TRPV1: variants seen among roughly 807,000 people sequenced by gnomAD.
The protein encoded by TRPV1 is OTRPC1.
Under a neutral mutation model 82.3 loss-of-function variants are expected in TRPV1, and 82 were observed. The ratio of observed to expected loss-of-function variants is 1.00; its 90% CI spans 0.83 to 1.20. TRPV1 has a LOEUF of 1.20. Ranked by LOEUF, TRPV1 falls within the 50% of genes most tolerant of loss-of-function variation. The probability of loss-of-function intolerance (pLI) is 0.00; values close to 1 mark genes in which losing one functional copy is unlikely to be tolerated. For synonymous variants in TRPV1, 515 were observed against 467.7 expected (o/e 1.10, Z -1.30); for missense variants, 1,067 against 1,096.8 (o/e 0.97, Z 0.38).
intron 2 of TRPV1, among the ~76,000 whole-genome samples, chr17:3,597,454 C>T (rs1368240082): frequency 6.6e-6 from 1 of 152,120 alleles, no homozygotes; most frequent in East Asian, 1.9e-4. Flanking sequence ...GTGCTGCCCG[C>T]CACACAGTAC....
At chr17:3,588,074 G>C in intron 8 of TRPV1, 114 bp downstream of exon 8, 3 of 1,277,278 alleles carry the variant, frequency 2.3e-6, no homozygotes, top group Non-Finnish European at 3.2e-6. Context: ...GCCTGGGCCC[G>C]GGCGCAGCAG....
At chr17:3,573,564 T>C (rs2074888573) in intron 14 of TRPV1, 69 bp downstream of exon 14, 6 of 189,058 alleles carry the variant, frequency 3.2e-5, no homozygotes, top group East Asian at 2.4e-4. Context: ...CAGCCAGCTG[T>C]GTAAGACAGC....
intron 2 of TRPV1, among the ~76,000 whole-genome samples, chr17:3,600,799 G>T (rs1029703850): frequency 3.3e-5 from 5 of 152,062 alleles, no homozygotes; most frequent in Non-Finnish European, 5.9e-5. Context: ...CTCCCTGGCT[G>T]CTCTCCTCTT....
At chr17:3,595,117 A>G (rs1018187) in intron 2 of TRPV1, among the ~76,000 whole-genome samples, 60,538 of 152,080 alleles carry the variant, frequency 0.4, 15,279 homozygotes, top group African/African-American at 0.72. Flanking sequence ...CCCTGGCAGC[A>G]CTTAAAAGGC....
At position 3,592,120 on chromosome 17, in the gene TRPV1, T is replaced by A; in HGVS notation, c.231A>T (p.Thr77=). Residue 77 remains threonine, a synonymous_variant, in exon 3 of 17, where the codon ACA becomes ACT. Transcript: ENST00000572705. ...EGELDSCPTI[T]VSPVITIQRP... ...TCTGGATGGTGATAACAGGGCTGACTGTGATGGTCGGGCAGGAGTCCAGCT... is the reference window on the plus strand; with the variant it reads ...TCTGGATGGTGATAACAGGGCTGACAGTGATGGTCGGGCAGGAGTCCAGCT... 6.2e-7 allele frequency: 1 copy of A among 1,613,872 alleles called. No homozygotes were observed. Among genetic ancestry groups the A allele is most frequent in the Non-Finnish European group, 8.5e-7 (1 of 1,179,874 alleles).
chr17:3,569,561 G>A (rs2074819497), intron 16 of TRPV1, among the ~76,000 whole-genome samples: 1 of 152,244 alleles, frequency 6.6e-6, no homozygotes, highest in African/African-American at 2.4e-5. Flanking sequence ...AGTCTAAGAA[G>A]AGCATGGAAT....
At chr17:3,592,040 G>A (rs757899012) in intron 3 of TRPV1, 27 bp downstream of exon 3, 7 of 1,601,190 alleles carry the variant, frequency 4.4e-6, no homozygotes, top group Non-Finnish European at 6.0e-6. Context: ...CTCCCAGCAG[G>A]GAGGGGGGCT....
chr17:3,591,409 C>A, intron 3 of TRPV1, 56 bp from the exon 4 acceptor site: 3 of 1,514,494 alleles, frequency 2.0e-6, no homozygotes, highest in Non-Finnish European at 2.6e-6. Context: ...GGCCCTGAGG[C>A]CTTCGGAGCT....
chr17:3,577,261 G>T (rs1054396511), intron 12 of TRPV1, 69 bp from the exon 13 acceptor site: 4 of 1,506,774 alleles, frequency 2.7e-6, no homozygotes, highest in Non-Finnish European at 3.6e-6. Flanking sequence ...GGGCCGGGCC[G>T]CATCGGCCTG....
intron 11 of TRPV1, among the ~76,000 whole-genome samples, 190 bp downstream of exon 11, chr17:3,580,267 G>A (rs1597524895): frequency 6.6e-6 from 1 of 152,144 alleles, no homozygotes; most frequent in South Asian, 2.1e-4. Flanking sequence ...TCGATCCCTG[G>A]CCCCTGGCAC....
intron 2 of TRPV1, chr17:3,601,939 C>T (rs17707155): frequency 0.2 from 30,899 of 152,074 alleles, 3,869 homozygotes; most frequent in Non-Finnish European, 0.27. Flanking sequence ...TCAACCAATG[C>T]GCTTCCTATG....
At chr17:3,604,868 T>C (rs577413988) in intron 2 of TRPV1, among the ~76,000 whole-genome samples, 5 of 151,842 alleles carry the variant, frequency 3.3e-5, no homozygotes, top group African/African-American at 1.2e-4. Flanking sequence ...TCAGCTACAC[T>C]CCCAAGGCCC....
chr17:3,604,663 T>C (rs1322608666), intron 2 of TRPV1, among the ~76,000 whole-genome samples: 1 of 149,862 alleles, frequency 6.7e-6, no homozygotes, highest in Non-Finnish European at 1.5e-5. Context: ...GTAGAGAACA[T>C]GAAAGCCACA....
rs371636379 is a variant in TRPV1, at chr17:3,592,209, G to A, written c.142C>T (p.Arg48Trp). The A allele has an allele frequency of 4.8e-5, 78 of 1,612,954 alleles. No individual in the cohort carries two copies. Among genetic ancestry groups the A allele is most frequent in the African/African-American group, 2.5e-4 (19 of 75,024 alleles). The change falls in exon 3 of 17, where the codon CGG becomes TGG. Residue 48 changes from arginine to tryptophan, a missense_variant. Coordinates refer to ENST00000572705, the MANE Select transcript of TRPV1 (RefSeq NM_080704.4). ...PQLSTAKSRT[R>W]LFGKGDSEEA... ...TCCGAGTCACCCTTCCCAAAGAGCC[G>A]GGTGCGGCTCTTGGCCGTGGAGAGC...
At chr17:3,579,366 T>C (rs1172603899) in intron 11 of TRPV1, among the ~76,000 whole-genome samples, 2 of 152,136 alleles carry the variant, frequency 1.3e-5, no homozygotes, top group Admixed American at 1.3e-4. Context: ...GGACGGGGAC[T>C]GTGAGCCGAG....
intron 13 of TRPV1, among the ~76,000 whole-genome samples, chr17:3,576,668 A>AAAAAAAAAAAAATAAATATATAT: frequency 2.6e-5 from 1 of 38,390 alleles, no homozygotes; most frequent in Non-Finnish European, 5.3e-5. Context: ...AAAAAAAAAA[A>AAAAAAAAAAAAATAAATATATAT]ATATATATAT....
At chr17:3,587,544 C>A (rs760425526) in intron 8 of TRPV1, among the ~76,000 whole-genome samples, 3 of 152,138 alleles carry the variant, frequency 2.0e-5, no homozygotes, top group Non-Finnish European at 2.9e-5. Flanking sequence ...CTTGGCCTGG[C>A]GCAGTGGTTC....
chr17:3,601,583 G>C (rs750114586), intron 2 of TRPV1, among the ~76,000 whole-genome samples: 1 of 151,712 alleles, frequency 6.6e-6, no homozygotes, highest in South Asian at 2.1e-4. Context: ...AAAGGCCCCA[G>C]CATAAAGAGC....
In TRPV1 at chr17:3,574,171, T is replaced by C. The variant is rs146513715; in HGVS notation, c.1781-216A>G. On this transcript the variant is annotated intron_variant, in intron 13 of 16. Coordinates refer to ENST00000572705, the MANE Select transcript of TRPV1 (RefSeq NM_080704.4). ...AAATAAATAAATATATAAGTCTCTA[T>C]GTGCAATGTGAATACAGCCACCTTT... 2.2e-3 allele frequency among the ~76,000 whole-genome samples: 335 copies of C among 152,350 alleles called. 14 individuals carry two copies. In the East Asian group the frequency reaches 0.05, roughly 23 times the overall value.
Sources: gnomAD v4.1 joint callset for allele counts (sites outside exome capture counted in the v4.1 genomes callset) on GRCh38, gnomAD v4.1.1 for gene constraint, MANE v1.5 for transcripts, NCBI Gene and HGNC (gene_info 2026-07-23, HGNC 2026-07-21) for gene names.